The following RAPGEF2 variants were observed in gnomAD, a reference collection of about 807,000 sequenced individuals.
RAPGEF2 encodes Rap guanine nucleotide exchange factor 2.
In RAPGEF2, 54 loss-of-function variants were observed where a neutral mutation model predicts 186.7. That is an observed-to-expected ratio of 0.29 (90% CI 0.23 to 0.36). RAPGEF2 has a LOEUF of 0.36. Among genes scored for constraint, RAPGEF2 ranks in the 10% least tolerant of loss-of-function variants. The pLI, the probability that RAPGEF2 is intolerant of heterozygous loss-of-function variation, is 1.00. For synonymous variants in RAPGEF2, 712 were observed against 705.9 expected (o/e 1.01, Z -0.14); for missense variants, 1,532 against 2,045.0 (o/e 0.75, Z 4.84).
At chr4:159,209,700 A>G (rs1304717628) in intron 3 of RAPGEF2, among the ~76,000 whole-genome samples, 1 of 152,208 alleles carries the variant, frequency 6.6e-6, no homozygotes, top group East Asian at 1.9e-4. Flanking sequence ...ATTGCTAACT[A>G]CCTGTGGAGG....
intron 17 of RAPGEF2, among the ~76,000 whole-genome samples, chr4:159,335,957 T>C (rs1767360286): frequency 6.6e-6 from 1 of 151,978 alleles, no homozygotes; most frequent in South Asian, 2.1e-4. Flanking sequence ...AATGATCTCG[T>C]GTCATGTATT....
chr4:159,331,824 G>A lies in RAPGEF2; in HGVS notation c.1770G>A (p.Arg590=), dbSNP rs777903515. 3.7e-6 allele frequency: 6 copies of A among 1,613,824 alleles called. No homozygotes were observed. The highest frequency in any genetic ancestry group is 1.6e-4 in the Middle Eastern group (1 of 6,082). ...AAGCAACTGAAGCAGGCTTGAAACG[G>A]GGGGATCAGGTATGCCATTTCTAAA... is the stretch of plus-strand genomic sequence containing the variant. ...GSKATEAGLK[R]GDQILEVNGQ... is the part of the protein sequence containing the mutation. The change falls in exon 15 of 30, where the codon CGG becomes CGA. Residue 590 remains arginine, a synonymous_variant. Transcript: ENST00000691494.
chr4:159,327,763 A>G (rs1209405632), intron 11 of RAPGEF2: 1 of 152,180 alleles, frequency 6.6e-6, no homozygotes, highest in Non-Finnish European at 1.5e-5. Context: ...TAGCAAAAAT[A>G]AGTTGCTTAT....
chr4:159,281,003 C>T (rs1485717124), intron 7 of RAPGEF2, among the ~76,000 whole-genome samples: 4 of 117,864 alleles, frequency 3.4e-5, no homozygotes, highest in Admixed American at 1.6e-4. Flanking sequence ...TTTTTTTTTC[C>T]TGAGACGGAG....
intron 1 of RAPGEF2, among the ~76,000 whole-genome samples, chr4:159,181,848 G>A (rs1410859093): frequency 6.6e-6 from 1 of 152,100 alleles, no homozygotes; most frequent in Non-Finnish European, 1.5e-5. Flanking sequence ...CGGGAATACA[G>A]TCATTCTGTA....
intron 1 of RAPGEF2, among the ~76,000 whole-genome samples, chr4:159,172,173 G>A (rs1049757644): frequency 1.3e-5 from 2 of 152,030 alleles, no homozygotes; most frequent in Admixed American, 1.3e-4. Flanking sequence ...CCTACATTTG[G>A]AACCTTTTCA....
chr4:159,261,710 T>C (rs1756900527), intron 7 of RAPGEF2, among the ~76,000 whole-genome samples: 1 of 152,184 alleles, frequency 6.6e-6, no homozygotes, highest in Non-Finnish European at 1.5e-5. Flanking sequence ...TTTTCTGTCT[T>C]CTTTGCTCTG....
chr4:159,281,449 A>G (rs951388539), intron 7 of RAPGEF2, among the ~76,000 whole-genome samples: 1 of 151,292 alleles, frequency 6.6e-6, no homozygotes, highest in Non-Finnish European at 1.5e-5. Context: ...CAGGTGGATC[A>G]CCTGAAGATC....
At chr4:159,198,930 A>G (rs1051638126) in intron 3 of RAPGEF2, among the ~76,000 whole-genome samples, 14 of 151,616 alleles carry the variant, frequency 9.2e-5, no homozygotes, top group African/African-American at 3.4e-4. Context: ...AAATACAAAA[A>G]TTAGGCGTGG....
At chr4:159,347,050 G>C (rs567047214) in intron 25 of RAPGEF2, 52 bp downstream of exon 25, 3 of 1,483,144 alleles carry the variant, frequency 2.0e-6, no homozygotes, top group Admixed American at 1.9e-5. Flanking sequence ...GTCATGGTTT[G>C]CAAATTAGGA....
At chr4:159,291,786 G>GTT (rs57094153) in intron 7 of RAPGEF2, among the ~76,000 whole-genome samples, 9 of 145,936 alleles carry the variant, frequency 6.2e-5, no homozygotes, top group African/African-American at 2.2e-4. Flanking sequence ...TAGTGCTGTT[G>GTT]TTTTTTTTTT....
At chr4:159,243,359 AATAC>A (rs1200694765) in intron 6 of RAPGEF2, among the ~76,000 whole-genome samples, 2 of 151,938 alleles carry the variant, frequency 1.3e-5, no homozygotes, top group Non-Finnish European at 2.9e-5. Flanking sequence ...ATTTTACATA[AATAC>A]ATAATTTTAA....
At chr4:159,337,912 A>AAAAAAAAAAAC in intron 17 of RAPGEF2, among the ~76,000 whole-genome samples, 2 of 146,144 alleles carry the variant, frequency 1.4e-5, no homozygotes, top group Non-Finnish European at 3.0e-5. Context: ...AAAAAAAAAA[A>AAAAAAAAAAAC]AGAAAGAAAA....
chr4:159,297,161 C>G (rs998738650), intron 7 of RAPGEF2, among the ~76,000 whole-genome samples: 2 of 152,134 alleles, frequency 1.3e-5, no homozygotes, highest in African/African-American at 4.8e-5. Context: ...CACATCTTAT[C>G]AAGCCCTCTC....
At chr4:159,288,964 A>C (rs1760845323) in intron 7 of RAPGEF2, among the ~76,000 whole-genome samples, 2 of 152,172 alleles carry the variant, frequency 1.3e-5, no homozygotes, top group Non-Finnish European at 2.9e-5. Flanking sequence ...ACCCAGTCTT[A>C]AATAGTATCC....
chr4:159,317,264 G>T (rs557930116), intron 9 of RAPGEF2, among the ~76,000 whole-genome samples: 41 of 152,286 alleles, frequency 2.7e-4, no homozygotes, highest in African/African-American at 9.1e-4. Flanking sequence ...GATGAATATT[G>T]TATGGTAATT....
At chr4:159,354,074 C>G (rs1486464761) in intron 28 of RAPGEF2, 28 bp downstream of exon 28, 1 of 1,521,018 alleles carries the variant, frequency 6.6e-7, no homozygotes, top group African/African-American at 1.4e-5. Context: ...GGGACTTTGT[C>G]ATGTCTGGAT....
At chr4:159,114,123 T>G (rs1418485835) in intron 1 of RAPGEF2, among the ~76,000 whole-genome samples, 1 of 151,150 alleles carries the variant, frequency 6.6e-6, no homozygotes, top group Non-Finnish European at 1.5e-5. Flanking sequence ...TGGCTAATTT[T>G]TTTTTTTTTT....
intron 1 of RAPGEF2, among the ~76,000 whole-genome samples, chr4:159,168,691 CTGA>C (rs1745588671): frequency 6.6e-6 from 1 of 152,040 alleles, no homozygotes; most frequent in African/African-American, 2.4e-5. Context: ...ATAAAAGGAC[CTGA>C]TGATACATGT....
Sources: allele counts gnomAD v4.1 joint callset (sites outside exome capture counted in the v4.1 genomes callset), GRCh38; gene constraint gnomAD v4.1.1; transcripts MANE v1.5; gene names NCBI Gene and HGNC (gene_info 2026-07-23, HGNC 2026-07-21).